LCN8: variants seen among roughly 807,000 people sequenced by gnomAD.
The protein encoded by LCN8 is epididymal-specific lipocalin-8.
Under a neutral mutation model 22.8 loss-of-function variants are expected in LCN8, and 16 were observed. That is an observed-to-expected ratio of 0.70 (90% CI 0.47 to 1.06). LCN8 has a LOEUF of 1.06. LCN8 is among the 50% of genes least tolerant of loss of function. LCN8 has a pLI of 0.00. For missense variants in LCN8, 189 were observed against 203.3 expected, an observed-to-expected ratio of 0.93 and a Z score of 0.43; for synonymous variants, 92 against 83.4, an observed-to-expected ratio of 1.10 and a Z score of -0.56.
In LCN8 at chr9:136,758,240, C is replaced by T. The variant is rs942852847; in HGVS notation, c.-310G>A. On this transcript the variant is annotated 5_prime_UTR_variant, in exon 1 of 7. Transcript: ENST00000371688. ...CTCCTGGCATATGGACAGCGGTGGA[C>T]GCTGCTGGGGCCGTCTCGGAGCCTG... is the stretch of plus-strand genomic sequence containing the variant. 18 of 1,305,740 alleles carry T rather than the reference C, an allele frequency of 1.4e-5. No homozygotes were observed. The African/African-American group carries it at 1.8e-4, about 13-fold the overall frequency. 80.9% of individuals were successfully genotyped at this position (1,305,740 alleles called of 1,614,324 possible). A position where few individuals can be genotyped will look rare whatever the true frequency, so the allele number is the denominator to read the frequency against.
intron 3 of LCN8, chr9:136,756,073 G>A: frequency 3.8e-6 from 5 of 1,299,410 alleles, no homozygotes; most frequent in South Asian, 2.5e-5. Flanking sequence ...ACAGTGCAGG[G>A]AGCATTGCAG....
intron 5 of LCN8, 41 bp from the exon 6 acceptor site, chr9:136,755,201 A>G: frequency 6.2e-7 from 1 of 1,608,426 alleles, no homozygotes; most frequent in Non-Finnish European, 8.5e-7. Context: ...GAGTCAGCCC[A>G]CAGGGCCCAG....
rs879468 is a variant in LCN8, at chr9:136,755,040, C to T, written c.447+95G>A. ...GGGGTGAGAAGGCCCAGCCCAGGGC[C>T]GGGAGGCGGAGCCACGGGGGCTCCT... On this transcript the variant is annotated intron_variant, in intron 6 of 6. Transcript: ENST00000371688. The T allele has an allele frequency of 4.3e-3, 6,240 of 1,445,294 alleles. 226 individuals are homozygous for T. The African/African-American group carries it at 0.08, about 19-fold the overall frequency. 89.5% of individuals were successfully genotyped at this position (1,445,294 alleles called of 1,614,324 possible).
In LCN8 at chr9:136,754,868, C is replaced by G. The variant is rs964850347; in HGVS notation, c.447+267G>C. 15 of 1,365,030 alleles carry G rather than the reference C, an allele frequency of 1.1e-5. No homozygotes were observed. In the African/African-American group the frequency reaches 1.9e-4, roughly 17 times the overall value. 84.6% of individuals were successfully genotyped at this position (1,365,030 alleles called of 1,614,324 possible). A position where few individuals can be genotyped will look rare whatever the true frequency, so the allele number is the denominator to read the frequency against. On this transcript the variant is annotated intron_variant, in intron 6 of 6. Transcript: ENST00000371688. ...ATTTCTGCTCCCCTGCCCCACCCAG[C>G]TCTGCACCCCGTGACCCCAGCCTCC... is the stretch of plus-strand genomic sequence containing the variant.
rs1433068826 is a variant in LCN8 at position 136,756,507 on chromosome 9, G to A, written c.226+15C>T. 9 of 1,614,092 alleles carry A rather than the reference G, an allele frequency of 5.6e-6. No homozygotes were observed. Among genetic ancestry groups the A allele is most frequent in the Non-Finnish European group, 7.6e-6 (9 of 1,180,012 alleles). On this transcript the variant is annotated intron_variant, in intron 3 of 6. Transcript: ENST00000371688. ...AGCCGGGTTCCACCTGCCATCACAG[G>A]GCAACTGCACTTACCAGGAAAAGCG...
chr9:136,755,732 G>A (rs947011361), intron 3 of LCN8: 36 of 1,515,844 alleles, frequency 2.4e-5, no homozygotes, highest in Admixed American at 6.1e-5. Flanking sequence ...ATGGGGAACA[G>A]TGCAGGGAAC....
intron 3 of LCN8, chr9:136,756,030 G>A (rs1481461523): frequency 2.3e-6 from 3 of 1,301,096 alleles, no homozygotes. Context: ...GCAGGAAACA[G>A]CATGGGGAAC....
chr9:136,754,486 G>A lies in LCN8; in HGVS notation c.*12C>T, dbSNP rs1564330309. The stretch of plus-strand genomic sequence containing the variant: ...GGCGCTCCGAACCTTGTGGTCTGAG[G>A]CAGGAACTCCATTAAATCAGCTCCT... On this transcript the variant is annotated 3_prime_UTR_variant, in exon 7 of 7. Transcript: ENST00000371688. The A allele has an allele frequency of 3.9e-6, 6 of 1,557,440 alleles. No individual in the cohort carries two copies. Among genetic ancestry groups the A allele is most frequent in the Non-Finnish European group, 5.2e-6 (6 of 1,150,150 alleles).
In LCN8 at chr9:136,755,308, C is replaced by A. The variant is rs750731620; in HGVS notation, c.357G>T (p.Arg119=). ...YFTRSLEDKD[R]LGFWKFRELT... ...GCTCCCGAAACTTCCAGAACCCCAGCCGGTCCTTGTCCTCAAGGCTCCGAG... is the reference window on the plus strand; with the variant it reads ...GCTCCCGAAACTTCCAGAACCCCAGACGGTCCTTGTCCTCAAGGCTCCGAG... Residue 119 remains arginine, a synonymous_variant, in exon 5 of 7, where the codon CGG becomes CGT. Coordinates refer to ENST00000371688, the MANE Select transcript of LCN8 (RefSeq NM_178469.4). 6.2e-7 allele frequency: 1 copy of A among 1,610,456 alleles called. No individual in the cohort carries two copies. The highest frequency in any genetic ancestry group is 8.5e-7 in the Non-Finnish European group (1 of 1,179,992).
rs1847248260 is a variant in LCN8, at chr9:136,757,891, A to G, written c.24+16T>C. On this transcript the variant is annotated intron_variant, in intron 1 of 6. Transcript: ENST00000371688. ...GGGTGTAGGAGGAGCCCCACCAACT[A>G]AGAAGGAGAAGCCACCTTCTGCCGG... 6.2e-7 allele frequency: 1 copy of G among 1,613,612 alleles called. No homozygotes were observed. The highest frequency in any genetic ancestry group is 8.5e-7 in the Non-Finnish European group (1 of 1,179,876).
At chr9:136,758,451 G>A (rs941971046), upstream of LCN8, 7 of 992,812 alleles carry the variant, frequency 7.1e-6, no homozygotes, top group South Asian at 4.6e-5. Context: ...TGTGCCAGAC[G>A]CAGTGGGCAG....
chr9:136,757,402 C>A, intron 1 of LCN8: 1 of 1,418,830 alleles, frequency 7.0e-7, no homozygotes, highest in Non-Finnish European at 9.2e-7. Flanking sequence ...CCCCTCCCCA[C>A]TGGGCCATCT....
intron 1 of LCN8, 26 bp downstream of exon 1, chr9:136,757,881 C>T (rs141370879): frequency 1.6e-4 from 262 of 1,613,708 alleles, no homozygotes; most frequent in Non-Finnish European, 1.9e-4. Context: ...TAGGAGGAGC[C>T]CCACCAACTA....
chr9:136,754,583 ACGGCGGGACTTCTGTCCTCGCTGC>A (rs1847138655), intron 6 of LCN8, 74 bp from the exon 7 acceptor site: 1 of 1,521,964 alleles, frequency 6.6e-7, no homozygotes, highest in African/African-American at 1.4e-5. Flanking sequence ...TGAGGGCCAC[ACGGCGGGACTTCTGTCCTCGCTGC>A]CTGGTTTTGC....
intron 2 of LCN8, 55 bp downstream of exon 2, chr9:136,756,983 C>A: frequency 6.3e-7 from 1 of 1,587,688 alleles, no homozygotes; most frequent in Non-Finnish European, 8.6e-7. Context: ...GCAACCCACG[C>A]CCAGTCCCCG....
Position 136,755,396 on chromosome 9 carries a change from C to A in LCN8, c.331+16G>T, listed in dbSNP as rs368004893. 1.2e-4 allele frequency: 190 copies of A among 1,611,184 alleles called. No homozygotes were observed. Among genetic ancestry groups the A allele is most frequent in the Non-Finnish European group, 1.6e-4 (184 of 1,179,970 alleles). ...GAGAGCAGCAGCTGGGCAGAGCCCC[C>A]CAGGGCCAAGCTTACTAAAGTACTT... is the stretch of plus-strand genomic sequence containing the variant. On this transcript the variant is annotated intron_variant, in intron 4 of 6. Transcript: ENST00000371688.
intron 3 of LCN8, chr9:136,755,958 AGTGCAGGGAATGCATGGGGAACG>A (rs1847181539): frequency 7.7e-7 from 1 of 1,292,852 alleles, no homozygotes; most frequent in Non-Finnish European, 1.0e-6. Flanking sequence ...TGCAGGGAAC[AGTGCAGGGAATGCATGGGGAACG>A]GCACAGAGAA....
intron 3 of LCN8, 80 bp from the exon 4 acceptor site, chr9:136,755,596 C>T (rs1847166357): frequency 6.5e-7 from 1 of 1,539,910 alleles, no homozygotes; most frequent in African/African-American, 1.4e-5. Context: ...GGGTCTAACT[C>T]CATCCTGCCC....
intron 3 of LCN8, 95 bp from the exon 4 acceptor site, chr9:136,755,611 C>G (rs963775064): frequency 1.3e-6 from 2 of 1,531,428 alleles, no homozygotes; most frequent in Non-Finnish European, 1.8e-6. Context: ...CTGCCCCCAC[C>G]CAGTCCCAGC....
Sources: gnomAD v4.1 joint callset for allele counts on GRCh38, gnomAD v4.1.1 for gene constraint, MANE v1.5 for transcripts, NCBI Gene and HGNC (gene_info 2026-07-23, HGNC 2026-07-21) for gene names.